Variants in ROCK2 observed in about 807,000 individuals in gnomAD.
ROCK2 encodes Rho associated coiled-coil containing protein kinase 2, also known as rho-associated protein kinase 2.
Under a neutral mutation model 195.1 loss-of-function variants are expected in ROCK2, and 61 were observed. That is an observed-to-expected ratio of 0.31 (90% CI 0.25 to 0.39). The LOEUF (loss-of-function observed/expected upper bound fraction) is 0.39, where lower values mean the gene tolerates loss of function less well. Ranked by LOEUF, ROCK2 falls within the 10% of genes least tolerant of loss-of-function variation. The pLI, the probability that ROCK2 is intolerant of heterozygous loss-of-function variation, is 1.00. For missense variants in ROCK2, 1,109 were observed against 1,637.4 expected, an observed-to-expected ratio of 0.68 and a Z score of 5.57; for synonymous variants, 504 against 545.5, an observed-to-expected ratio of 0.92 and a Z score of 1.06.
intron 1 of ROCK2, among the ~76,000 whole-genome samples, chr2:11,310,099 T>C (rs1443599936): frequency 6.6e-6 from 1 of 152,246 alleles, no homozygotes; most frequent in Non-Finnish European, 1.5e-5. Context: ...CAACATGGCC[T>C]AAAGATACTT....
At chr2:11,260,319 GTGCCTGTGA>G (rs1666181301) in intron 3 of ROCK2, among the ~76,000 whole-genome samples, 3 of 151,894 alleles carry the variant, frequency 2.0e-5, no homozygotes. Context: ...GTGGTGGCAG[GTGCCTGTGA>G]TTCCAGCTAC....
At chr2:11,249,838 TTA>T in intron 3 of ROCK2, 40 bp from the exon 4 acceptor site, 3 of 1,408,684 alleles carry the variant, frequency 2.1e-6, no homozygotes, top group Non-Finnish European at 2.8e-6. Flanking sequence ...TACTTTCATG[TTA>T]TGAGAGAAAG....
chr2:11,215,979 CAT>C (rs1491153691), intron 13 of ROCK2, among the ~76,000 whole-genome samples, 177 bp downstream of exon 13: 11 of 152,112 alleles, frequency 7.2e-5, no homozygotes, highest in Non-Finnish European at 1.5e-4. Flanking sequence ...TTTGCAAAAA[CAT>C]AACAGAATGA....
chr2:11,328,373 T>C (rs1256496222), intron 1 of ROCK2, among the ~76,000 whole-genome samples: 1 of 152,152 alleles, frequency 6.6e-6, no homozygotes, highest in Admixed American at 6.5e-5. Context: ...ACACAAACAA[T>C]ATAGGCTGTT....
At chr2:11,191,402 AT>A (rs1243056680) in intron 32 of ROCK2, among the ~76,000 whole-genome samples, 2 of 152,202 alleles carry the variant, frequency 1.3e-5, no homozygotes, top group Non-Finnish European at 2.9e-5. Flanking sequence ...ATTCCAAGGA[AT>A]AACCACTTTA....
At chr2:11,306,926 T>C (rs974485755) in intron 1 of ROCK2, among the ~76,000 whole-genome samples, 1 of 152,040 alleles carries the variant, frequency 6.6e-6, no homozygotes, top group Non-Finnish European at 1.5e-5. Flanking sequence ...TTGAAAAATA[T>C]GGGAAGATAC....
At chr2:11,328,864 C>T (rs953287714) in intron 1 of ROCK2, among the ~76,000 whole-genome samples, 8 of 145,008 alleles carry the variant, frequency 5.5e-5, no homozygotes, top group Non-Finnish European at 1.0e-4. Context: ...GGGAACTGAA[C>T]AATGAGAACA....
chr2:11,240,695 T>A (rs1316151958), intron 4 of ROCK2, among the ~76,000 whole-genome samples: 1 of 152,188 alleles, frequency 6.6e-6, no homozygotes, highest in East Asian at 1.9e-4. Flanking sequence ...TAGTGGTGGT[T>A]CCACAATGCT....
chr2:11,335,419 C>A (rs1425330085), intron 1 of ROCK2, among the ~76,000 whole-genome samples: 1 of 152,120 alleles, frequency 6.6e-6, no homozygotes, highest in South Asian at 2.1e-4. Context: ...ACAGTAAGCT[C>A]CATATGCTAG....
At chr2:11,288,964 A>C (rs1667282321) in intron 1 of ROCK2, among the ~76,000 whole-genome samples, 1 of 152,172 alleles carries the variant, frequency 6.6e-6, no homozygotes, top group African/African-American at 2.4e-5. Context: ...ATAACTGTAC[A>C]TACTATGCTT....
chr2:11,328,362 GAC>G (rs1346932760), intron 1 of ROCK2, among the ~76,000 whole-genome samples: 2 of 152,154 alleles, frequency 1.3e-5, no homozygotes, highest in Non-Finnish European at 2.9e-5. Context: ...TACATTGAGA[GAC>G]ACAAACAATA....
Position 11,308,662 on chromosome 2 carries a change from A to G in ROCK2, c.142-20926T>C, listed in dbSNP as rs565448870. The stretch of plus-strand genomic sequence containing the variant: ...ATACTCCTGTGGCTTCAAGAAAAGA[A>G]GATACATATGTTCATTTTAATGTGG... On this transcript the variant is annotated intron_variant, in intron 1 of 32. Transcript: ENST00000315872. 3 of 1,478,392 alleles carry G rather than the reference A, an allele frequency of 2.0e-6. No individual in the cohort carries two copies. The South Asian group carries it at 3.4e-5, about 17-fold the overall frequency. The allele number at this position is 1,478,392 out of a possible 1,614,324, so 91.6% of individuals were successfully genotyped here. A position where few individuals can be genotyped will look rare whatever the true frequency, so the allele number is the denominator to read the frequency against.
At chr2:11,206,502 TGTTCCAATTTCTA>T (rs901818660) in intron 20 of ROCK2, among the ~76,000 whole-genome samples, 14 of 152,242 alleles carry the variant, frequency 9.2e-5, no homozygotes, top group African/African-American at 3.4e-4. Context: ...GTCTGATTAC[TGTTCCAATTTCTA>T]GTTCCAATTT....
At chr2:11,215,739 C>T (rs1409470095) in intron 13 of ROCK2, 94 bp from the exon 14 acceptor site, 16 of 1,043,806 alleles carry the variant, frequency 1.5e-5, no homozygotes, top group Non-Finnish European at 2.0e-5. Flanking sequence ...TAAAAAAGAT[C>T]TCAAAAAGGC....
chr2:11,213,829 A>C (rs962515636), intron 17 of ROCK2, among the ~76,000 whole-genome samples: 7 of 152,072 alleles, frequency 4.6e-5, no homozygotes, highest in Admixed American at 3.3e-4. Context: ...TTTGTGCTTT[A>C]TTATTACTTT....
intron 1 of ROCK2, among the ~76,000 whole-genome samples, chr2:11,338,989 A>C (rs1001616626): frequency 6.6e-6 from 1 of 152,080 alleles, no homozygotes; most frequent in Non-Finnish European, 1.5e-5. Context: ...AAAGGTGTGA[A>C]GGAGATTTCT....
chr2:11,240,009 T>C lies in ROCK2; in HGVS notation c.463-4047A>G, dbSNP rs137909328. On this transcript the variant is annotated intron_variant, in intron 4 of 32. Coordinates refer to ENST00000315872, the MANE Select transcript of ROCK2 (RefSeq NM_004850.5). ...ACAGAGCTTCTCCACCCTGTCTGTG[T>C]AGAATAAAAGTGCATTTCTCTCCTG... Among the ~76,000 whole-genome samples, 533 of 152,302 alleles carry C rather than the reference T, an allele frequency of 3.5e-3. 2 individuals are homozygous for C. Among genetic ancestry groups the C allele is most frequent in the African/African-American group, 0.011 (445 of 41,556 alleles).
At chr2:11,270,883 T>G (rs923694012) in intron 3 of ROCK2, among the ~76,000 whole-genome samples, 2 of 152,230 alleles carry the variant, frequency 1.3e-5, no homozygotes, top group Non-Finnish European at 2.9e-5. Flanking sequence ...CCTTTTAGTA[T>G]GCTTTGTAAT....
chr2:11,218,303 TAA>T (rs1664501960), intron 11 of ROCK2, 150 bp downstream of exon 11: 1 of 484,390 alleles, frequency 2.1e-6, no homozygotes, highest in Admixed American at 3.9e-5. Flanking sequence ...AGAACAATAA[TAA>T]AAGAGATACT....
Sources: gnomAD v4.1 joint callset for allele counts (sites outside exome capture counted in the v4.1 genomes callset) on GRCh38, gnomAD v4.1.1 for gene constraint, MANE v1.5 for transcripts, NCBI Gene and HGNC (gene_info 2026-07-23, HGNC 2026-07-21) for gene names.